DNMBP: variants seen among roughly 807,000 people sequenced by gnomAD.
DNMBP encodes the protein dynamin-binding protein.
A neutral mutation model predicts 150.0 loss-of-function variants in DNMBP; 87 were observed. The observed-to-expected ratio is 0.58, with a 90% CI of 0.49 to 0.69. DNMBP has a LOEUF of 0.69. Ranked by LOEUF, DNMBP falls within the 30% of genes least tolerant of loss-of-function variation. The probability of loss-of-function intolerance (pLI) is 0.00; values close to 1 mark genes in which losing one functional copy is unlikely to be tolerated. For synonymous variants in DNMBP, 711 were observed against 750.4 expected, an observed-to-expected ratio of 0.95 and a Z score of 0.86; for missense variants, 1,774 against 1,949.0, an observed-to-expected ratio of 0.91 and a Z score of 1.69.
intron 2 of DNMBP, among the ~76,000 whole-genome samples, chr10:99,969,655 T>C (rs933291617): frequency 8.5e-5 from 13 of 152,138 alleles, no homozygotes; most frequent in African/African-American, 3.1e-4. Context: ...AGGAAGAACA[T>C]AAAAAACTTT....
intron 15 of DNMBP, among the ~76,000 whole-genome samples, chr10:99,882,936 G>A (rs1220726036): frequency 6.6e-6 from 1 of 152,022 alleles, no homozygotes; most frequent in African/African-American, 2.4e-5. Flanking sequence ...GTGTGGTGGT[G>A]CGTGCTACTT....
At chr10:99,928,504 C>T (rs1336216564) in intron 4 of DNMBP, among the ~76,000 whole-genome samples, 15 of 151,992 alleles carry the variant, frequency 9.9e-5, no homozygotes, top group Admixed American at 7.9e-4. Flanking sequence ...TACACACACA[C>T]GAAAGGTTTA....
intron 1 of DNMBP, among the ~76,000 whole-genome samples, chr10:99,990,647 A>G (rs138224171): frequency 1.3e-4 from 19 of 151,520 alleles, no homozygotes; most frequent in Non-Finnish European, 2.4e-4. Context: ...CAGTGTGTGT[A>G]TAAGTGTATA....
intron 10 of DNMBP, among the ~76,000 whole-genome samples, chr10:99,895,812 C>T (rs1420045012): frequency 6.6e-6 from 1 of 152,180 alleles, no homozygotes; most frequent in Non-Finnish European, 1.5e-5. Flanking sequence ...TATTTTCTGG[C>T]TTATATTTTC....
chr10:99,969,327 T>C (rs2040652500), intron 2 of DNMBP, 90 bp from the exon 3 acceptor site: 1 of 1,351,218 alleles, frequency 7.4e-7, no homozygotes, highest in Non-Finnish European at 1.0e-6. Context: ...TCTGAGTCCA[T>C]GTATAGACCG....
intron 11 of DNMBP, among the ~76,000 whole-genome samples, chr10:99,892,138 T>TGCCCGGCC (rs2039579577): frequency 7.8e-6 from 1 of 128,986 alleles, no homozygotes; most frequent in Non-Finnish European, 1.6e-5. Flanking sequence ...AGAGCCCCTC[T>TGCCCGGCC]GCCCGGCCAG....
At chr10:99,899,696 C>T (rs909880267) in intron 7 of DNMBP, among the ~76,000 whole-genome samples, 7 of 152,130 alleles carry the variant, frequency 4.6e-5, no homozygotes, top group African/African-American at 1.7e-4. Flanking sequence ...ACCAAACCAT[C>T]CTCTCCTGGC....
chr10:99,883,874 G>A (rs1022374618), intron 15 of DNMBP, 137 bp downstream of exon 15: 2 of 735,548 alleles, frequency 2.7e-6, no homozygotes, highest in Non-Finnish European at 4.4e-6. Context: ...GAAGGTTAAG[G>A]TTATTTTTCA....
Position 99,880,346 on chromosome 10 carries a change from A to G in DNMBP, c.4013T>C (p.Val1338Ala), listed in dbSNP as rs1288644727. 1 of 1,594,158 alleles carries G rather than the reference A, an allele frequency of 6.3e-7. No homozygotes were observed. The highest frequency in any genetic ancestry group is 1.3e-5 in the African/African-American group (1 of 74,570). ...LIDNGVTKGF[V>A]YSSFLKPYNP... Reference sequence around the variant, plus strand: ...GTAGGGCTTTAGGAAAGAGCTGTACACGAAGCCTTTGGTGACTACAAAGGA... The same window carrying G: ...GTAGGGCTTTAGGAAAGAGCTGTACGCGAAGCCTTTGGTGACTACAAAGGA... The change falls in exon 16 of 17, where the codon GTG (valine) becomes GCG (alanine). Residue 1338 changes from valine (V) to alanine (A), a missense_variant. By Grantham distance (64) the Val-to-Ala change is moderately conservative. Transcript: ENST00000324109.
rs139251700 is a variant in DNMBP at position 99,880,137 on chromosome 10, G to C, written c.4222C>G (p.Pro1408Ala). ...CCTTGGTCACATTCTTTTGGCGGAG[G>C]AGATGCATCTTGAGGCTGCTTCTGG... ...SCQKQPQDASPPPKECDQGTL... is the reference protein window; with the variant it reads ...SCQKQPQDASAPPKECDQGTL... Residue 1408 changes from proline (P) to alanine (A), a missense_variant, in exon 16 of 17, where the codon CCT becomes GCT. Around this residue, in one of 2 missense-constraint regions of DNMBP, gnomAD observed 1,430 missense variants for 1,492.5 expected, o/e 0.96. Transcript: ENST00000324109. The C allele has an allele frequency of 5.0e-6, 8 of 1,614,036 alleles. No homozygotes were observed. Among genetic ancestry groups the C allele is most frequent in the Non-Finnish European group, 6.8e-6 (8 of 1,180,044 alleles).
chr10:99,926,564 G>A (rs950352682), intron 4 of DNMBP, among the ~76,000 whole-genome samples: 6 of 152,184 alleles, frequency 3.9e-5, no homozygotes, highest in African/African-American at 1.4e-4. Flanking sequence ...AGTCTTTTAG[G>A]ACGCCGGGAA....
chr10:99,912,038 C>T (rs1355834403), intron 4 of DNMBP, among the ~76,000 whole-genome samples: 1 of 152,134 alleles, frequency 6.6e-6, no homozygotes, highest in Non-Finnish European at 1.5e-5. Context: ...GATTATATCC[C>T]TGAACTCATT....
chr10:99,980,665 C>T (rs983197186), intron 1 of DNMBP, among the ~76,000 whole-genome samples: 4 of 151,644 alleles, frequency 2.6e-5, no homozygotes, highest in African/African-American at 7.3e-5. Flanking sequence ...AATAGCTGGG[C>T]GCAGTGGCAG....
At chr10:99,983,253 G>A (rs1367560387) in intron 1 of DNMBP, among the ~76,000 whole-genome samples, 1 of 152,196 alleles carries the variant, frequency 6.6e-6, no homozygotes, top group Admixed American at 6.5e-5. Flanking sequence ...TCCCAGCAAT[G>A]AGAAGGAATA....
At chr10:99,913,951 A>G in intron 4 of DNMBP, 1 of 1,387,000 alleles carries the variant, frequency 7.2e-7, no homozygotes, top group Non-Finnish European at 9.4e-7. Context: ...CCCAGGACCT[A>G]CCTGCAGTGC....
intron 4 of DNMBP, among the ~76,000 whole-genome samples, chr10:99,927,630 C>T (rs1318948892): frequency 3.3e-5 from 5 of 152,098 alleles, no homozygotes; most frequent in South Asian, 4.2e-4. Context: ...TAACAAAGAA[C>T]GTTAGAATGC....
intron 3 of DNMBP, among the ~76,000 whole-genome samples, chr10:99,962,509 T>C (rs1422125217): frequency 2.0e-5 from 3 of 152,160 alleles, no homozygotes; most frequent in African/African-American, 7.2e-5. Flanking sequence ...CGGGCGCCTG[T>C]AGTCCCAGCT....
rs1162472733 is a variant in DNMBP at position 99,956,843 on chromosome 10, A to C, written c.631T>G (p.Ser211Ala). 6.2e-7 allele frequency: 1 copy of C among 1,613,992 alleles called. No homozygotes were observed. The highest frequency in any genetic ancestry group is 8.5e-7 in the Non-Finnish European group (1 of 1,179,996). ...TCATCTTGATTTCCAGAACTTACTG[A>C]CTCATCCACAGTCCTCAGGGGCCCC... is the stretch of plus-strand genomic sequence containing the variant. ...LLGPLRTVDE[S>A]VSSGNQDDCI... The change falls in exon 4 of 17, where the codon TCA (serine) becomes GCA (alanine). Residue 211 changes from serine to alanine, a missense_variant. Transcript: ENST00000324109.
chr10:99,891,711 C>G (rs2039565161), intron 11 of DNMBP, among the ~76,000 whole-genome samples: 1 of 148,012 alleles, frequency 6.8e-6, no homozygotes, highest in Non-Finnish European at 1.5e-5. Flanking sequence ...CGGCCGCCAT[C>G]CCACCTGGGA....
Sources: gnomAD v4.1 joint callset for allele counts (sites outside exome capture counted in the v4.1 genomes callset) on GRCh38, gnomAD v4.1.1 for gene constraint, gnomAD v4.1.1 regional missense constraint, MANE v1.5 for transcripts, NCBI Gene and HGNC (gene_info 2026-07-23, HGNC 2026-07-21) for gene names.